Variants in LINGO1 observed in about 807,000 individuals in gnomAD.
The protein encoded by LINGO1 is leucine-rich repeat and immunoglobulin-like domain-containing nogo receptor-interacting protein 1.
LINGO1 carries 11 observed loss-of-function variants against 37.3 expected under a neutral mutation model. That is an observed-to-expected ratio of 0.29 (90% CI 0.19 to 0.49). LINGO1 has a LOEUF of 0.49. Among genes scored for constraint, LINGO1 ranks in the 20% least tolerant of loss-of-function variants. The pLI is 0.99. For synonymous variants in LINGO1, 387 were observed against 403.0 expected (o/e 0.96, Z 0.48); for missense variants, 585 against 878.2 (o/e 0.67, Z 4.22).
rs138392351 is a variant in LINGO1 at position 77,737,683 on chromosome 15, C to A, written c.-256-2630G>T. Among the ~76,000 whole-genome samples the A allele has an allele frequency of 4.3e-3, 659 of 151,868 alleles. 1 individual carries two copies. Among genetic ancestry groups the A allele is most frequent in the Non-Finnish European group, 7.7e-3 (521 of 67,714 alleles). On this transcript the variant is annotated intron_variant, in intron 1 of 3. Coordinates refer to the LINGO1 transcript ENST00000561686. ...AGTTTTGCCAAGCCCAATAGTCACT[C>A]TCTGTCCCCTCACTGGTCCCTGAGC...
chr15:77,718,009 G>A (rs1402683727), intron 2 of LINGO1, among the ~76,000 whole-genome samples: 1 of 150,882 alleles, frequency 6.6e-6, no homozygotes, highest in East Asian at 2.1e-4. Context: ...CCAGGGAGCT[G>A]GGAGCAGGGC....
intron 1 of LINGO1, among the ~76,000 whole-genome samples, chr15:77,770,938 G>A (rs2076578857): frequency 6.6e-6 from 1 of 152,228 alleles, no homozygotes; most frequent in Non-Finnish European, 1.5e-5. Flanking sequence ...CACATCTTCA[G>A]GACCCTGAGT....
At chr15:77,618,766 AT>A (rs1191170253) in intron 1 of LINGO1, among the ~76,000 whole-genome samples, 1 of 16 alleles carries the variant, frequency 0.062, no homozygotes, top group African/African-American at 0.17. Context: ...ATTTTTTTGT[AT>A]TTTTTTTTTA....
intron 2 of LINGO1, among the ~76,000 whole-genome samples, chr15:77,734,148 C>G (rs941918061): frequency 7.2e-5 from 11 of 152,162 alleles, no homozygotes; most frequent in Non-Finnish European, 1.3e-4. Context: ...CTCCAGCCCC[C>G]ACTACTTCAA....
At chr15:77,649,682 A>G (rs2074715384) in intron 3 of LINGO1, among the ~76,000 whole-genome samples, 1 of 152,114 alleles carries the variant, frequency 6.6e-6, no homozygotes, top group Non-Finnish European at 1.5e-5. Flanking sequence ...GCTGGAGGAT[A>G]GAAACCAAGG....
intron 3 of LINGO1, among the ~76,000 whole-genome samples, chr15:77,665,979 C>T (rs2075120715): frequency 6.6e-6 from 1 of 152,230 alleles, no homozygotes; most frequent in Non-Finnish European, 1.5e-5. Flanking sequence ...CACTGGTGAG[C>T]CCTGGCTATG....
chr15:77,646,519 T>C (rs775236969), intron 3 of LINGO1: 3 of 446,732 alleles, frequency 6.7e-6, no homozygotes, highest in South Asian at 4.8e-5. Flanking sequence ...ACGGTAAGTC[T>C]GTAAGCAGGT....
chr15:77,681,070 C>A (rs980505265), intron 2 of LINGO1, among the ~76,000 whole-genome samples: 3 of 152,048 alleles, frequency 2.0e-5, no homozygotes, highest in African/African-American at 4.8e-5. Context: ...ATCCACCCAC[C>A]AAGAATCAAC....
intron 1 of LINGO1, among the ~76,000 whole-genome samples, chr15:77,784,199 T>G (rs765065245): frequency 6.6e-6 from 1 of 152,244 alleles, no homozygotes; most frequent in South Asian, 2.1e-4. Context: ...TTGGTTCGCA[T>G]AGCAGAAGAG....
chr15:77,769,530 G>C (rs2076562949), intron 1 of LINGO1, among the ~76,000 whole-genome samples: 1 of 152,180 alleles, frequency 6.6e-6, no homozygotes, highest in Non-Finnish European at 1.5e-5. Flanking sequence ...AGCTATCAGG[G>C]TCTGACTCTC....
chr15:77,685,067 C>G (rs894226157), intron 2 of LINGO1, among the ~76,000 whole-genome samples: 1 of 94,038 alleles, frequency 1.1e-5, no homozygotes, highest in Non-Finnish European at 2.0e-5. Context: ...CCAGAGGCAG[C>G]TTGAGCAAGG....
intron 1 of LINGO1, among the ~76,000 whole-genome samples, chr15:77,778,189 C>T (rs1374422352): frequency 6.6e-6 from 1 of 152,164 alleles, no homozygotes; most frequent in Non-Finnish European, 1.5e-5. Context: ...CACATCACTC[C>T]AATCTGCCTC....
intron 2 of LINGO1, among the ~76,000 whole-genome samples, chr15:77,732,108 C>G (rs2076159531): frequency 6.6e-6 from 1 of 152,194 alleles, no homozygotes; most frequent in African/African-American, 2.4e-5. Flanking sequence ...GAGAAAACAA[C>G]TGCTGTGCCC....
chr15:77,756,621 A>C (rs942742348), intron 1 of LINGO1, among the ~76,000 whole-genome samples: 1 of 152,230 alleles, frequency 6.6e-6, no homozygotes, highest in Non-Finnish European at 1.5e-5. Flanking sequence ...TTGGTGAGGA[A>C]GTGAACGTGA....
intron 2 of LINGO1, among the ~76,000 whole-genome samples, chr15:77,710,153 C>T (rs1055475500): frequency 6.6e-6 from 1 of 152,204 alleles, no homozygotes; most frequent in African/African-American, 2.4e-5. Context: ...CAGGGGCTGC[C>T]GTGGGCTGTC....
At chr15:77,645,173 A>G (rs2074596656) in intron 3 of LINGO1, among the ~76,000 whole-genome samples, 2 of 152,132 alleles carry the variant, frequency 1.3e-5, no homozygotes, top group Non-Finnish European at 2.9e-5. Flanking sequence ...TCCCAAACAT[A>G]CACACTCAGA....
At chr15:77,791,261 A>G (rs2076816284), upstream of LINGO1, among the ~76,000 whole-genome samples, 1 of 152,132 alleles carries the variant, frequency 6.6e-6, no homozygotes, top group African/African-American at 2.4e-5. Flanking sequence ...GGCAAAGAGG[A>G]AGACAAGCTG....
At chr15:77,662,166 T>C (rs1209785727) in intron 3 of LINGO1, among the ~76,000 whole-genome samples, 1 of 152,178 alleles carries the variant, frequency 6.6e-6, no homozygotes, top group Non-Finnish European at 1.5e-5. Flanking sequence ...TGTGTGACCC[T>C]GGCCTACACA....
intron 1 of LINGO1, among the ~76,000 whole-genome samples, chr15:77,764,205 T>G (rs999600354): frequency 6.6e-6 from 1 of 152,352 alleles, no homozygotes; most frequent in Admixed American, 6.5e-5. Context: ...GGGATGCCTG[T>G]CATCTCTCTG....
Sources: allele counts gnomAD v4.1 joint callset (sites outside exome capture counted in the v4.1 genomes callset), GRCh38; gene constraint gnomAD v4.1.1; transcripts MANE v1.5; gene names NCBI Gene and HGNC (gene_info 2026-07-23, HGNC 2026-07-21).